The following DDHD1 variants were observed in gnomAD, a reference collection of about 807,000 sequenced individuals.
The protein encoded by DDHD1 is DDHD domain containing 1, also known as phospholipase DDHD1.
A neutral mutation model predicts 96.4 loss-of-function variants in DDHD1; 49 were observed. The ratio of observed to expected loss-of-function variants is 0.51; its 90% CI spans 0.40 to 0.64. DDHD1 has a LOEUF of 0.64. DDHD1 is among the 30% of genes least tolerant of loss of function. The pLI, the probability that DDHD1 is intolerant of heterozygous loss-of-function variation, is 0.00. For missense variants in DDHD1, 1,106 were observed against 1,161.2 expected (o/e 0.95, Z 0.69); for synonymous variants, 442 against 446.5 (o/e 0.99, Z 0.13).
At chr14:53,074,471 T>C (rs1324933409) in intron 4 of DDHD1, among the ~76,000 whole-genome samples, 1 of 151,892 alleles carries the variant, frequency 6.6e-6, no homozygotes, top group African/African-American at 2.4e-5. Flanking sequence ...TAGTTTAGTA[T>C]CTACTTCTAA....
intron 6 of DDHD1, among the ~76,000 whole-genome samples, chr14:53,064,183 A>G (rs1364734539): frequency 1.3e-5 from 2 of 152,118 alleles, no homozygotes; most frequent in Non-Finnish European, 2.9e-5. Context: ...TTTGATAAGA[A>G]TATCAACCAA....
chr14:53,066,017 C>T (rs544463409), intron 6 of DDHD1, among the ~76,000 whole-genome samples: 26 of 152,292 alleles, frequency 1.7e-4, no homozygotes, highest in African/African-American at 6.3e-4. Flanking sequence ...AAACTTTATA[C>T]ACATTTCATT....
rs1386362014 is a variant in DDHD1 at position 53,042,049 on chromosome 14, G to A, written c.*4719C>T. 1.3e-5 allele frequency: 2 copies of A among 152,170 alleles called. No homozygotes were observed. The highest frequency in any genetic ancestry group is 4.8e-5 in the African/African-American group (2 of 41,444). The allele number at this position is 152,170 out of a possible 1,614,324, so 9.4% of individuals were successfully genotyped here. On this transcript the variant is annotated 3_prime_UTR_variant, in exon 13 of 13. Transcript: ENST00000673822. ...CATTCATTGGCCATGTGATTGTATA[G>A]GGTGGAATCGGTCACTTACAAAATG...
intron 1 of DDHD1, among the ~76,000 whole-genome samples, chr14:53,142,187 C>A (rs1368951474): frequency 6.6e-6 from 1 of 152,158 alleles, no homozygotes; most frequent in Middle Eastern, 3.2e-3. Context: ...AGGATTCAAA[C>A]TAAGGGAATT....
At chr14:53,062,883 A>G in intron 7 of DDHD1, 60 bp downstream of exon 7, 12 of 1,538,336 alleles carry the variant, frequency 7.8e-6, no homozygotes, top group Non-Finnish European at 1.1e-5. Context: ...TTTTCTCGTA[A>G]GAGGTCCAGT....
Position 53,046,667 on chromosome 14 carries a change from C to G in DDHD1, c.*101G>C, listed in dbSNP as rs1163860948. On this transcript the variant is annotated 3_prime_UTR_variant, in exon 13 of 13. Coordinates refer to ENST00000673822, the MANE Select transcript of DDHD1 (RefSeq NM_001160148.2). The stretch of plus-strand genomic sequence containing the variant: ...CAAATATATGTTGCCCTAAAGAAAA[C>G]TGAAATATACTTTAACCCTGAAATC... 3.9e-6 allele frequency: 3 copies of G among 763,946 alleles called. No individual in the cohort carries two copies. Among genetic ancestry groups the G allele is most frequent in the South Asian group, 3.9e-5 (1 of 25,936 alleles). 47.3% of individuals were successfully genotyped at this position (763,946 alleles called of 1,614,324 possible).
intron 2 of DDHD1, among the ~76,000 whole-genome samples, chr14:53,097,625 T>G (rs745704403): frequency 3.3e-5 from 5 of 151,974 alleles, no homozygotes; most frequent in Non-Finnish European, 5.9e-5. Context: ...CTTTACTGCT[T>G]GAAACAAAAA....
At chr14:53,124,143 G>C (rs1889237913) in intron 1 of DDHD1, among the ~76,000 whole-genome samples, 1 of 151,760 alleles carries the variant, frequency 6.6e-6, no homozygotes, top group Non-Finnish European at 1.5e-5. Flanking sequence ...GCTGAGGCAG[G>C]AGAATCACTT....
At chr14:53,049,657 C>CA (rs11323291) in intron 12 of DDHD1, among the ~76,000 whole-genome samples, 6,012 of 84,616 alleles carry the variant, frequency 0.071, 591 homozygotes, top group African/African-American at 0.21. Flanking sequence ...TGAGCTAGGT[C>CA]AAAAAAAAAA....
At chr14:53,083,273 G>T (rs1885652649) in intron 4 of DDHD1, among the ~76,000 whole-genome samples, 2 of 151,976 alleles carry the variant, frequency 1.3e-5, no homozygotes, top group Non-Finnish European at 2.9e-5. Context: ...AACATACTGT[G>T]TTTAACTGAA....
chr14:53,051,426 C>G (rs1882555232), intron 12 of DDHD1, among the ~76,000 whole-genome samples: 1 of 151,822 alleles, frequency 6.6e-6, no homozygotes, highest in South Asian at 2.1e-4. Context: ...ACCTACAACC[C>G]TAAGTGGTAA....
chr14:53,135,252 C>A (rs550056466), intron 1 of DDHD1, among the ~76,000 whole-genome samples: 2 of 152,198 alleles, frequency 1.3e-5, no homozygotes, highest in African/African-American at 4.8e-5. Context: ...TCCTGCCCCA[C>A]CCTAACTGAT....
intron 1 of DDHD1, among the ~76,000 whole-genome samples, chr14:53,129,760 G>T (rs1889726047): frequency 6.6e-6 from 1 of 152,072 alleles, no homozygotes; most frequent in Admixed American, 6.5e-5. Flanking sequence ...ATTCTTGCCT[G>T]ACCTAAAAAC....
intron 1 of DDHD1, among the ~76,000 whole-genome samples, chr14:53,151,105 T>C (rs946351801): frequency 2.0e-5 from 3 of 152,234 alleles, no homozygotes; most frequent in Admixed American, 6.5e-5. Flanking sequence ...ATTCAATACC[T>C]AGTTATTGAA....
Position 53,103,636 on chromosome 14 carries a change from A to G in DDHD1, c.1012+47T>C, listed in dbSNP as rs112240496. The G allele has an allele frequency of 1.9e-5, 27 of 1,430,648 alleles. No homozygotes were observed. In the African/African-American group the frequency reaches 2.6e-4, roughly 14 times the overall value. 88.6% of individuals were successfully genotyped at this position (1,430,648 alleles called of 1,614,324 possible). ...ACAAACCACTCTAAACTTTATCAACAACTTACTTGGTTTGTAGAATATATT... is the reference window on the plus strand; with the variant it reads ...ACAAACCACTCTAAACTTTATCAACGACTTACTTGGTTTGTAGAATATATT... On this transcript the variant is annotated intron_variant, in intron 2 of 12. Transcript: ENST00000673822.
At chr14:53,114,007 C>T (rs947386811) in intron 1 of DDHD1, among the ~76,000 whole-genome samples, 4 of 152,190 alleles carry the variant, frequency 2.6e-5, no homozygotes, top group African/African-American at 9.7e-5. Context: ...AGTCTGAAGT[C>T]GACCAGGGAC....
At chr14:53,051,711 T>C (rs1882586029) in intron 12 of DDHD1, 133 bp downstream of exon 12, 3 of 697,684 alleles carry the variant, frequency 4.3e-6, no homozygotes, top group East Asian at 2.8e-5. Flanking sequence ...AAAATACACA[T>C]AAAATAGTCT....
chr14:53,087,154 A>G (rs534642260), intron 4 of DDHD1, among the ~76,000 whole-genome samples: 1 of 152,290 alleles, frequency 6.6e-6, no homozygotes, highest in East Asian at 1.9e-4. Flanking sequence ...ACCCAGATTC[A>G]TAAAGGAAGT....
chr14:53,115,902 T>C (rs1186993844), intron 1 of DDHD1, among the ~76,000 whole-genome samples: 2 of 152,170 alleles, frequency 1.3e-5, no homozygotes, highest in Non-Finnish European at 2.9e-5. Context: ...GTACATGGGC[T>C]AACTGCCCCA....
Sources: allele counts gnomAD v4.1 joint callset (sites outside exome capture counted in the v4.1 genomes callset), GRCh38; gene constraint gnomAD v4.1.1; transcripts MANE v1.5; gene names NCBI Gene and HGNC (gene_info 2026-07-23, HGNC 2026-07-21).